The following DEPDC1B variants were observed in gnomAD, a reference collection of about 807,000 sequenced individuals.
DEPDC1B encodes DEP domain-containing protein 1B.
DEPDC1B carries 51 observed loss-of-function variants against 66.5 expected under a neutral mutation model. The observed-to-expected ratio is 0.77, with a 90% CI of 0.61 to 0.97. The LOEUF (loss-of-function observed/expected upper bound fraction) is 0.97, where lower values mean the gene tolerates loss of function less well. Among genes scored for constraint, DEPDC1B ranks in the 50% least tolerant of loss-of-function variants. DEPDC1B has a pLI of 0.00. For missense variants in DEPDC1B, 552 were observed against 637.1 expected (o/e 0.87, Z 1.44); for synonymous variants, 226 against 223.6 (o/e 1.01, Z -0.10).
chr5:60,664,958 G>A (rs946483638), intron 2 of DEPDC1B, among the ~76,000 whole-genome samples: 2 of 152,062 alleles, frequency 1.3e-5, no homozygotes, highest in African/African-American at 4.8e-5. Context: ...ACCTAAAGAG[G>A]TGGCAGTCTT....
At chr5:60,647,248 T>A in intron 3 of DEPDC1B, 150 bp downstream of exon 3, 1 of 883,158 alleles carries the variant, frequency 1.1e-6, no homozygotes, top group Non-Finnish European at 1.6e-6. Flanking sequence ...CTTTCCTTGT[T>A]ACTGGTCTCC....
chr5:60,642,960 C>A (rs1043680542), intron 5 of DEPDC1B, 101 bp from the exon 6 acceptor site: 31 of 816,362 alleles, frequency 3.8e-5, no homozygotes, highest in Non-Finnish European at 5.3e-5. Flanking sequence ...GTAATATGAA[C>A]CATATCTGCT....
chr5:60,685,258 C>A (rs11955398), intron 2 of DEPDC1B, among the ~76,000 whole-genome samples: 52,574 of 151,926 alleles, frequency 0.35, 10,616 homozygotes, highest in East Asian at 0.57. Context: ...GGCACGGGCA[C>A]CTTAACAAAT....
chr5:60,668,025 A>AT (rs1249796602), intron 2 of DEPDC1B, among the ~76,000 whole-genome samples: 7 of 112,388 alleles, frequency 6.2e-5, no homozygotes, highest in African/African-American at 1.6e-4. Flanking sequence ...ATATATATAT[A>AT]AAATGGATAT....
At position 60,616,304 on chromosome 5, in the gene DEPDC1B, C is replaced by T. The variant is rs181051040; in HGVS notation, c.899-10448G>A. Among the ~76,000 whole-genome samples the T allele has an allele frequency of 1.3e-3, 202 of 152,172 alleles. 1 individual carries two copies. Among genetic ancestry groups the T allele is most frequent in the African/African-American group, 4.6e-3 (191 of 41,516 alleles). ...AAAGCTGGATGGAGAATGACTTTGA[C>T]GAGTTGAGAGCAGAAGGCTTCAGAT... On this transcript the variant is annotated intron_variant, in intron 7 of 10. Coordinates refer to ENST00000265036, the MANE Select transcript of DEPDC1B (RefSeq NM_018369.3).
At chr5:60,689,508 T>C (rs1380556975) in intron 1 of DEPDC1B, among the ~76,000 whole-genome samples, 2 of 152,256 alleles carry the variant, frequency 1.3e-5, no homozygotes, top group East Asian at 3.8e-4. Context: ...CCAATTTGTA[T>C]ATTCAAATCT....
intron 1 of DEPDC1B, among the ~76,000 whole-genome samples, chr5:60,691,060 T>G (rs1309761727): frequency 1.3e-5 from 2 of 151,536 alleles, no homozygotes; most frequent in Non-Finnish European, 2.9e-5. Context: ...TTCTACTTTT[T>G]TTTTTTTTTT....
chr5:60,650,568 C>G (rs1466822791), intron 2 of DEPDC1B, among the ~76,000 whole-genome samples: 1 of 152,134 alleles, frequency 6.6e-6, no homozygotes, highest in African/African-American at 2.4e-5. Flanking sequence ...CCCCCAGTTG[C>G]GAATCATGGG....
At chr5:60,608,010 C>G (rs934714999) in intron 7 of DEPDC1B, among the ~76,000 whole-genome samples, 1 of 152,102 alleles carries the variant, frequency 6.6e-6, no homozygotes, top group Non-Finnish European at 1.5e-5. Context: ...CCTGAGAAAC[C>G]ACTGGTGGGT....
At chr5:60,676,091 C>G (rs1437122449) in intron 2 of DEPDC1B, among the ~76,000 whole-genome samples, 1 of 151,878 alleles carries the variant, frequency 6.6e-6, no homozygotes, top group African/African-American at 2.4e-5. Context: ...CCACGCCCAG[C>G]TACAATTTTT....
At chr5:60,643,930 G>C (rs1485275995) in intron 5 of DEPDC1B, among the ~76,000 whole-genome samples, 2 of 152,072 alleles carry the variant, frequency 1.3e-5, no homozygotes, top group African/African-American at 4.8e-5. Context: ...CACTGCTCAG[G>C]CTATTCTGCT....
intron 2 of DEPDC1B, among the ~76,000 whole-genome samples, chr5:60,667,910 TATAAAAA>T (rs1561384351): frequency 1.1e-5 from 1 of 91,776 alleles, no homozygotes; most frequent in African/African-American, 3.6e-5. Context: ...ATTTTATATA[TATAAAAA>T]ATGGATATTT....
At chr5:60,698,375 CA>C (rs1754702383) in intron 1 of DEPDC1B, among the ~76,000 whole-genome samples, 1 of 152,198 alleles carries the variant, frequency 6.6e-6, no homozygotes, top group Admixed American at 6.5e-5. Flanking sequence ...AAGAAAAAGT[CA>C]CAAGCTGAAA....
intron 7 of DEPDC1B, among the ~76,000 whole-genome samples, chr5:60,623,371 A>G (rs1338437214): frequency 6.6e-6 from 1 of 152,150 alleles, no homozygotes; most frequent in East Asian, 1.9e-4. Flanking sequence ...ATATCAATAT[A>G]CTTTACAGGA....
At chr5:60,666,765 C>A (rs1753850719) in intron 2 of DEPDC1B, among the ~76,000 whole-genome samples, 1 of 152,080 alleles carries the variant, frequency 6.6e-6, no homozygotes, top group Admixed American at 6.5e-5. Context: ...GAGGTGGCAC[C>A]GACTACCCTA....
chr5:60,650,192 A>G (rs1753412975), intron 2 of DEPDC1B, among the ~76,000 whole-genome samples: 1 of 152,118 alleles, frequency 6.6e-6, no homozygotes, highest in Non-Finnish European at 1.5e-5. Flanking sequence ...TCTCTAAAGT[A>G]AAAAAATAAG....
intron 2 of DEPDC1B, among the ~76,000 whole-genome samples, chr5:60,685,053 T>C (rs934796006): frequency 6.6e-6 from 1 of 152,214 alleles, no homozygotes; most frequent in Non-Finnish European, 1.5e-5. Context: ...AGAATGGCTA[T>C]TGTCAAATCT....
chr5:60,679,803 A>C, intron 2 of DEPDC1B, among the ~76,000 whole-genome samples: 1 of 152,250 alleles, frequency 6.6e-6, no homozygotes, highest in African/African-American at 2.4e-5. Context: ...TTCTCATTAA[A>C]TAATCCAAAA....
chr5:60,612,705 G>GAA (rs1554050974), intron 7 of DEPDC1B, among the ~76,000 whole-genome samples: 76 of 85,334 alleles, frequency 8.9e-4, no homozygotes, highest in Admixed American at 2.2e-3. Flanking sequence ...AAATGGTTCA[G>GAA]AAAAAAAAAA....
Sources: gnomAD v4.1 joint callset for allele counts (sites outside exome capture counted in the v4.1 genomes callset) on GRCh38, gnomAD v4.1.1 for gene constraint, MANE v1.5 for transcripts, NCBI Gene and HGNC (gene_info 2026-07-23, HGNC 2026-07-21) for gene names.